The following IFT74 variants were observed in gnomAD, a reference collection of about 807,000 sequenced individuals.
IFT74 encodes intraflagellar transport 74.
A neutral mutation model predicts 96.7 loss-of-function variants in IFT74; 92 were observed. The ratio of observed to expected loss-of-function variants is 0.95; its 90% CI spans 0.80 to 1.13. The LOEUF is 1.13. Among genes scored for constraint, IFT74 ranks in the 50% most tolerant of loss-of-function variants. IFT74 has a pLI of 0.00. For missense variants in IFT74, 811 were observed against 698.2 expected (o/e 1.16, Z -1.82); for synonymous variants, 223 against 213.2 (o/e 1.05, Z -0.40).
intron 2 of IFT74, among the ~76,000 whole-genome samples, chr9:26,975,894 G>A (rs1827095263): frequency 6.6e-6 from 1 of 152,212 alleles, no homozygotes; most frequent in South Asian, 2.1e-4. Context: ...TTCCCTTGTG[G>A]GAAATGGCAG....
intron 19 of IFT74, 57 bp downstream of exon 19, chr9:27,060,708 C>A: frequency 7.6e-7 from 1 of 1,309,558 alleles, no homozygotes; most frequent in Non-Finnish European, 1.1e-6. Context: ...CCTATAGTCC[C>A]AACACTTTGG....
intron 13 of IFT74, among the ~76,000 whole-genome samples, chr9:27,031,359 C>CAGG (rs1282644805): frequency 1.3e-5 from 2 of 151,794 alleles, no homozygotes. Flanking sequence ...CCCAGCTACT[C>CAGG]AGGAGGCTGA....
chr9:26,992,918 T>A (rs1168401451), intron 8 of IFT74, among the ~76,000 whole-genome samples: 1 of 152,200 alleles, frequency 6.6e-6, no homozygotes, highest in Non-Finnish European at 1.5e-5. Context: ...TAGTGTGGTC[T>A]GACCATCTGG....
intron 9 of IFT74, among the ~76,000 whole-genome samples, chr9:27,010,676 A>G (rs916700773): frequency 2.7e-5 from 4 of 149,516 alleles, no homozygotes; most frequent in African/African-American, 9.8e-5. Flanking sequence ...TGTTTTTAGT[A>G]GAGACAGTGT....
At chr9:26,965,624 T>G (rs2092531303) in intron 2 of IFT74, among the ~76,000 whole-genome samples, 2 of 152,130 alleles carry the variant, frequency 1.3e-5, no homozygotes, top group Non-Finnish European at 2.9e-5. Context: ...GCACGTTATC[T>G]GTTTATTTGT....
chr9:26,959,148 G>A (rs1380258670), intron 1 of IFT74, among the ~76,000 whole-genome samples: 3 of 152,148 alleles, frequency 2.0e-5, no homozygotes, highest in East Asian at 1.9e-4. Context: ...TCGCTCTGTC[G>A]CCCAGGCTGG....
intron 2 of IFT74, among the ~76,000 whole-genome samples, chr9:26,966,299 C>G (rs756842059): frequency 6.6e-6 from 1 of 152,002 alleles, no homozygotes; most frequent in Non-Finnish European, 1.5e-5. Context: ...CAACACTGTA[C>G]AAAGGTTCCC....
intron 12 of IFT74, among the ~76,000 whole-genome samples, chr9:27,025,111 A>G (rs1397292570): frequency 6.6e-6 from 1 of 152,132 alleles, no homozygotes; most frequent in Non-Finnish European, 1.5e-5. Context: ...TAATCAAGGA[A>G]AACTTCCCTG....
At chr9:26,975,879 G>A (rs527828028) in intron 2 of IFT74, among the ~76,000 whole-genome samples, 6 of 152,244 alleles carry the variant, frequency 3.9e-5, no homozygotes, top group Admixed American at 2.6e-4. Context: ...TTCCACTCTG[G>A]CTGCTTCCCT....
chr9:27,019,570 A>G (rs1829502008), intron 12 of IFT74, among the ~76,000 whole-genome samples: 1 of 151,568 alleles, frequency 6.6e-6, no homozygotes, highest in East Asian at 1.9e-4. Flanking sequence ...ATAAAATACT[A>G]AGCATGTATT....
chr9:26,981,925 G>C (rs1456265978), intron 4 of IFT74, among the ~76,000 whole-genome samples: 1 of 151,596 alleles, frequency 6.6e-6, no homozygotes, highest in Middle Eastern at 3.5e-3. Flanking sequence ...GCGCCACCAT[G>C]CCTGGCTAAT....
At chr9:27,023,635 A>G (rs1196486008) in intron 12 of IFT74, among the ~76,000 whole-genome samples, 1 of 151,744 alleles carries the variant, frequency 6.6e-6, no homozygotes. Flanking sequence ...TGTTATGTTC[A>G]TTCCTGGTTT....
intron 2 of IFT74, among the ~76,000 whole-genome samples, chr9:26,970,567 A>G (rs999327175): frequency 9.9e-5 from 15 of 152,234 alleles, no homozygotes; most frequent in South Asian, 2.1e-4. Context: ...GGAAAACAAA[A>G]AGTAGCATAA....
intron 8 of IFT74, among the ~76,000 whole-genome samples, chr9:27,004,032 T>TC (rs1828646964): frequency 6.6e-6 from 1 of 152,094 alleles, no homozygotes. Context: ...CTGTTTTTTT[T>TC]CCAGAAACAA....
intron 12 of IFT74, among the ~76,000 whole-genome samples, chr9:27,026,031 T>C (rs1254865037): frequency 6.6e-6 from 1 of 152,134 alleles, no homozygotes; most frequent in Non-Finnish European, 1.5e-5. Context: ...TCCACTTAAA[T>C]ATACAGAATA....
chr9:26,953,638 T>G (rs181339848), upstream of IFT74, among the ~76,000 whole-genome samples: 34 of 152,202 alleles, frequency 2.2e-4, 1 homozygote, highest in East Asian at 6.0e-3. Context: ...CTTAATGATG[T>G]CACTCCTCAA....
At chr9:26,966,549 G>A (rs1826627063) in intron 2 of IFT74, among the ~76,000 whole-genome samples, 1 of 151,770 alleles carries the variant, frequency 6.6e-6, no homozygotes, top group Non-Finnish European at 1.5e-5. Context: ...GTGAGTTGTT[G>A]GAGCACCTTA....
chr9:27,062,726 G>A lies in IFT74; in HGVS notation c.1793G>A (p.Ser598Asn), dbSNP rs752283286. ...ATCGTGGATGCTTTACATAGCACCA[G>A]CGGAAACTGAGTTTAAGTCCACTGA... The part of the protein sequence containing the change: ...KTIVDALHST[S>N]GN Residue 598 changes from serine to asparagine, a missense_variant, in exon 20 of 20, where the codon AGC becomes AAC. Ser to Asn is a conservative substitution (Grantham distance 46). Transcript: ENST00000380062. 6.4e-7 allele frequency: 1 copy of A among 1,568,224 alleles called. No homozygotes were observed. Among genetic ancestry groups the A allele is most frequent in the Non-Finnish European group, 8.7e-7 (1 of 1,144,364 alleles).
At chr9:27,001,501 T>C (rs1410636339) in intron 8 of IFT74, among the ~76,000 whole-genome samples, 1 of 152,202 alleles carries the variant, frequency 6.6e-6, no homozygotes, top group African/African-American at 2.4e-5. Flanking sequence ...GAAGCTACTT[T>C]AATGGGGGTG....
Sources: gnomAD v4.1 joint callset for allele counts (sites outside exome capture counted in the v4.1 genomes callset) on GRCh38, gnomAD v4.1.1 for gene constraint, MANE v1.5 for transcripts, NCBI Gene and HGNC (gene_info 2026-07-23, HGNC 2026-07-21) for gene names.